PRKCA: variants seen among roughly 807,000 people sequenced by gnomAD.
PRKCA encodes the protein protein kinase C alpha type.
In PRKCA, 27 loss-of-function variants were observed where a neutral mutation model predicts 87.0. The observed-to-expected ratio is 0.31, with a 90% CI of 0.23 to 0.43. PRKCA has a LOEUF of 0.43. Among genes scored for constraint, PRKCA ranks in the 20% least tolerant of loss-of-function variants. The probability of loss-of-function intolerance (pLI) is 1.00; values close to 1 mark genes in which losing one functional copy is unlikely to be tolerated. For missense variants in PRKCA, 518 were observed against 852.3 expected (o/e 0.61, Z 4.88); for synonymous variants, 329 against 311.1 (o/e 1.06, Z -0.61).
At chr17:66,501,888 C>G (rs1555611726) in intron 3 of PRKCA, among the ~76,000 whole-genome samples, 1 of 152,158 alleles carries the variant, frequency 6.6e-6, no homozygotes, top group Non-Finnish European at 1.5e-5. Flanking sequence ...AGCAAGTGCC[C>G]ATGCTTCTTT....
chr17:66,437,720 C>CTTTTTTTTTT (rs567333890), intron 2 of PRKCA, among the ~76,000 whole-genome samples: 1,663 of 32,832 alleles, frequency 0.051, 488 homozygotes, highest in South Asian at 0.11. Context: ...TTCAAGTTTC[C>CTTTTTTTTTT]TTTTTTTTTT....
chr17:66,696,351 G>A (rs1223856242), intron 8 of PRKCA: 1 of 152,184 alleles, frequency 6.6e-6, no homozygotes, highest in Non-Finnish European at 1.5e-5. Context: ...TCATATCCCT[G>A]CTCTACCACT....
At chr17:66,714,953 A>T (rs547868999) in intron 8 of PRKCA, among the ~76,000 whole-genome samples, 1 of 152,196 alleles carries the variant, frequency 6.6e-6, no homozygotes, top group Non-Finnish European at 1.5e-5. Context: ...TGGATTAAAA[A>T]GGCTCAGTGA....
chr17:66,697,968 C>A (rs1972965909), intron 8 of PRKCA, among the ~76,000 whole-genome samples: 1 of 152,146 alleles, frequency 6.6e-6, no homozygotes, highest in South Asian at 2.1e-4. Flanking sequence ...CCTAGCTTTG[C>A]AGGATTGAAA....
At chr17:66,706,565 G>A (rs1471609012) in intron 8 of PRKCA, among the ~76,000 whole-genome samples, 3 of 151,740 alleles carry the variant, frequency 2.0e-5, no homozygotes, top group Non-Finnish European at 4.4e-5. Flanking sequence ...ATGAACCCGG[G>A]AGGCGGAGCT....
intron 2 of PRKCA, among the ~76,000 whole-genome samples, chr17:66,414,319 C>T (rs191807934): frequency 3.7e-4 from 56 of 152,232 alleles, no homozygotes; most frequent in African/African-American, 1.2e-3. Context: ...AAGTGTGTAG[C>T]ACCTCCCTGC....
chr17:66,417,070 T>C (rs1912199110), intron 2 of PRKCA, among the ~76,000 whole-genome samples: 2 of 152,110 alleles, frequency 1.3e-5, no homozygotes, highest in Non-Finnish European at 2.9e-5. Flanking sequence ...AGCTAATTTT[T>C]GTATTTTTGG....
intron 13 of PRKCA, among the ~76,000 whole-genome samples, chr17:66,771,112 C>T (rs1223868099): frequency 3.3e-5 from 5 of 151,624 alleles, no homozygotes; most frequent in Non-Finnish European, 4.4e-5. Context: ...AAGCAACTCT[C>T]CTGCCTCAGC....
At chr17:66,731,573 A>G (rs1973894892) in intron 8 of PRKCA, among the ~76,000 whole-genome samples, 1 of 151,912 alleles carries the variant, frequency 6.6e-6, no homozygotes, top group Admixed American at 6.6e-5. Context: ...CTTCGGTGAC[A>G]GTGAGACTTC....
intron 2 of PRKCA, among the ~76,000 whole-genome samples, chr17:66,362,940 C>T (rs1436725330): frequency 2.0e-5 from 3 of 152,156 alleles, no homozygotes; most frequent in East Asian, 1.9e-4. Context: ...GGGATCCACC[C>T]GCCTCAGCCT....
intron 3 of PRKCA, among the ~76,000 whole-genome samples, chr17:66,546,004 C>T (rs148692962): frequency 3.9e-5 from 6 of 152,242 alleles, no homozygotes; most frequent in African/African-American, 1.4e-4. Flanking sequence ...CATGATACTT[C>T]GTTTTTTATC....
intron 8 of PRKCA, among the ~76,000 whole-genome samples, chr17:66,724,075 T>G (rs1282229742): frequency 2.0e-5 from 3 of 151,994 alleles, no homozygotes; most frequent in Admixed American, 2.0e-4. Flanking sequence ...ACCCAAAGAT[T>G]TTGTTTAAAA....
intron 16 of PRKCA, among the ~76,000 whole-genome samples, chr17:66,789,872 C>T (rs554670887): frequency 6.6e-6 from 1 of 152,328 alleles, no homozygotes; most frequent in African/African-American, 2.4e-5. Flanking sequence ...AACTGAGAGC[C>T]TTTAAGAAGT....
chr17:66,309,953 C>T (rs1025390861), intron 2 of PRKCA, among the ~76,000 whole-genome samples: 3 of 152,126 alleles, frequency 2.0e-5, no homozygotes, highest in African/African-American at 7.2e-5. Flanking sequence ...GAGAACAGAG[C>T]GATCCACTGT....
intron 2 of PRKCA, 101 bp from the exon 3 acceptor site, chr17:66,496,099 GA>G: frequency 2.3e-6 from 2 of 858,484 alleles, no homozygotes; most frequent in Non-Finnish European, 3.8e-6. Flanking sequence ...TGTCTGTAGT[GA>G]AATTAAATTG....
At chr17:66,789,312 C>T (rs570470515) in intron 16 of PRKCA, among the ~76,000 whole-genome samples, 4 of 152,322 alleles carry the variant, frequency 2.6e-5, no homozygotes, top group Admixed American at 1.3e-4. Context: ...CCAGCAGGGC[C>T]GTATTCACAG....
intron 16 of PRKCA, chr17:66,797,048 G>GT (rs1282258780): frequency 3.7e-5 from 34 of 925,078 alleles, no homozygotes; most frequent in Non-Finnish European, 3.7e-5. Context: ...AATTCCCATA[G>GT]CTGAGACCAT....
At chr17:66,460,203 A>G (rs1914781483) in intron 2 of PRKCA, among the ~76,000 whole-genome samples, 1 of 152,182 alleles carries the variant, frequency 6.6e-6, no homozygotes, top group Admixed American at 6.5e-5. Context: ...TATGAAGGTC[A>G]TTGCCCGTGG....
chr17:66,523,863 C>A (rs1392674585), intron 3 of PRKCA, among the ~76,000 whole-genome samples: 1 of 152,184 alleles, frequency 6.6e-6, no homozygotes, highest in Non-Finnish European at 1.5e-5. Context: ...GAATTGCCTT[C>A]TGATGATGTC....
Sources: allele counts gnomAD v4.1 joint callset (sites outside exome capture counted in the v4.1 genomes callset), GRCh38; gene constraint gnomAD v4.1.1; transcripts MANE v1.5; gene names NCBI Gene and HGNC (gene_info 2026-07-23, HGNC 2026-07-21).